ZNF569: variants seen among roughly 807,000 people sequenced by gnomAD.
ZNF569 encodes the protein DNA-binding protein.
ZNF569 carries 38 observed loss-of-function variants against 56.3 expected under a neutral mutation model. That is an observed-to-expected ratio of 0.68 (90% CI 0.52 to 0.88). The LOEUF (loss-of-function observed/expected upper bound fraction) is 0.88, where lower values mean the gene tolerates loss of function less well. ZNF569 is among the 40% of genes least tolerant of loss of function. The pLI is 0.00. For missense variants in ZNF569, 666 were observed against 809.2 expected (o/e 0.82, Z 2.15); for synonymous variants, 241 against 262.9 (o/e 0.92, Z 0.81).
rs371479043 is a variant in ZNF569 at position 37,412,655 on chromosome 19, C to G, written c.2003G>C (p.Gly668Ala). Residue 668 changes from glycine (G) to alanine (A), a missense_variant, in exon 6 of 6, where the codon GGC (glycine) becomes GCC (alanine). Coordinates refer to ENST00000316950, the MANE Select transcript of ZNF569 (RefSeq NM_152484.3). ...GTGCGACTTTTGGCTGAAAGCCTTG[C>G]CACACTCAATACAGTGATAGGGCTT... ...GEKPYHCIEC[G>A]KAFSQKSHLV... 6.2e-7 allele frequency: 1 copy of G among 1,612,810 alleles called. No individual in the cohort carries two copies. Among genetic ancestry groups the G allele is most frequent in the East Asian group, 2.2e-5 (1 of 44,862 alleles).
At chr19:37,427,192 C>A (rs2041148238) in intron 3 of ZNF569, among the ~76,000 whole-genome samples, 1 of 151,942 alleles carries the variant, frequency 6.6e-6, no homozygotes, top group Non-Finnish European at 1.5e-5. Flanking sequence ...TGGTGTGCAT[C>A]TGTAGTCCCA....
At chr19:37,462,254 GC>G (rs1482825319) in intron 2 of ZNF569, among the ~76,000 whole-genome samples, 1 of 151,988 alleles carries the variant, frequency 6.6e-6, no homozygotes, top group Non-Finnish European at 1.5e-5. Flanking sequence ...GCCAAACTCT[GC>G]CACTAGATCT....
intron 2 of ZNF569, among the ~76,000 whole-genome samples, chr19:37,459,173 T>C (rs569013941): frequency 6.6e-6 from 1 of 151,934 alleles, no homozygotes; most frequent in Non-Finnish European, 1.5e-5. Context: ...ATGTTTCAAA[T>C]TAGTGACACA....
intron 2 of ZNF569, among the ~76,000 whole-genome samples, chr19:37,451,781 A>G (rs926258590): frequency 6.6e-6 from 1 of 152,044 alleles, no homozygotes; most frequent in South Asian, 2.1e-4. Context: ...ATTTGCATGG[A>G]TCATCTTTTT....
chr19:37,463,726 A>G (rs1301498335), intron 2 of ZNF569, among the ~76,000 whole-genome samples: 1 of 152,234 alleles, frequency 6.6e-6, no homozygotes, highest in East Asian at 1.9e-4. Flanking sequence ...TTATTGTTCC[A>G]TGCATGTTTA....
intron 5 of ZNF569, among the ~76,000 whole-genome samples, chr19:37,419,460 G>A (rs571541229): frequency 3.9e-5 from 6 of 152,190 alleles, no homozygotes; most frequent in South Asian, 2.1e-4. Context: ...GGTGGCTCAC[G>A]ACTGTAATCC....
chr19:37,446,287 C>A (rs1487601846), intron 2 of ZNF569, among the ~76,000 whole-genome samples: 2 of 152,102 alleles, frequency 1.3e-5, no homozygotes, highest in Non-Finnish European at 2.9e-5. Flanking sequence ...TGGTGGCTCA[C>A]CCCTGTAATC....
chr19:37,444,442 C>T (rs1307839113), intron 3 of ZNF569, among the ~76,000 whole-genome samples: 1 of 151,964 alleles, frequency 6.6e-6, no homozygotes. Flanking sequence ...TATTCCTTTT[C>T]CTGTTAATTT....
intron 2 of ZNF569, 31 bp downstream of exon 2, chr19:37,465,282 A>AT (rs2041812998): frequency 6.6e-6 from 1 of 152,210 alleles, no homozygotes; most frequent in South Asian, 2.1e-4. Context: ...ATTCTTCACC[A>AT]TTTAAAATAC....
At chr19:37,445,127 G>A (rs1319175320) in intron 2 of ZNF569, among the ~76,000 whole-genome samples, 163 bp from the exon 3 acceptor site, 1 of 152,178 alleles carries the variant, frequency 6.6e-6, no homozygotes, top group Non-Finnish European at 1.5e-5. Context: ...GTGTGAGGAT[G>A]ATTGGAATAA....
At chr19:37,468,907 C>A, upstream of ZNF569, 6 of 276,038 alleles carry the variant, frequency 2.2e-5, no homozygotes, top group Non-Finnish European at 3.3e-5. Flanking sequence ...TTTCGGGTAT[C>A]CAGCACAATT....
At position 37,452,861 on chromosome 19, in the gene ZNF569, G is replaced by C. The variant is rs780124670; in HGVS notation, c.-43-7897C>G. The stretch of plus-strand genomic sequence containing the variant: ...GATGTTCGTTTCCTTCCCCAGCTTT[G>C]GGGAGTTTTCAGCCATTACTTTTAA... On this transcript the variant is annotated intron_variant, in intron 2 of 5. Transcript: ENST00000316950. 8.6e-5 allele frequency among the ~76,000 whole-genome samples: 13 copies of C among 151,988 alleles called. 1 individual carries two copies. The highest frequency in any genetic ancestry group is 1.5e-4 in the Non-Finnish European group (10 of 68,004).
intron 2 of ZNF569, among the ~76,000 whole-genome samples, chr19:37,452,124 A>C (rs1363297727): frequency 1.3e-5 from 2 of 150,008 alleles, no homozygotes; most frequent in Non-Finnish European, 3.0e-5. Context: ...TGGGGCTTAC[A>C]TAAAATATAG....
intron 3 of ZNF569, among the ~76,000 whole-genome samples, chr19:37,439,670 G>A (rs2041371691): frequency 6.6e-6 from 1 of 152,098 alleles, no homozygotes; most frequent in Non-Finnish European, 1.5e-5. Flanking sequence ...TGCCCATCAG[G>A]AAATGCATGG....
chr19:37,443,761 C>T (rs977915794), intron 3 of ZNF569, among the ~76,000 whole-genome samples: 2 of 151,692 alleles, frequency 1.3e-5, no homozygotes, highest in African/African-American at 2.4e-5. Context: ...AATCCCAGCA[C>T]TGTGGGAGGT....
Position 37,412,387 on chromosome 19 carries a change from T to C in ZNF569, c.*210A>G. Reference sequence around the variant, plus strand: ...GAGAATGCTGATTAAATATTATCAATAAGATGTCTGCTGAAAGTTTCTGGT... The same window carrying C: ...GAGAATGCTGATTAAATATTATCAACAAGATGTCTGCTGAAAGTTTCTGGT... On this transcript the variant is annotated 3_prime_UTR_variant, in exon 6 of 6. Transcript: ENST00000316950. 1.3e-6 allele frequency: 1 copy of C among 762,472 alleles called. No individual in the cohort carries two copies. Among genetic ancestry groups the C allele is most frequent in the Non-Finnish European group, 1.8e-6 (1 of 541,680 alleles). 47.2% of individuals were successfully genotyped at this position (762,472 alleles called of 1,614,324 possible).
chr19:37,449,715 C>T lies in ZNF569; in HGVS notation c.-43-4751G>A, dbSNP rs562335599. On this transcript the variant is annotated intron_variant, in intron 2 of 5. Transcript: ENST00000316950. ...ATTTGCTTTTAATATACTTATTTAT[C>T]TTTATATTTAAAATGGGTATCTTAG... 7.1e-5 allele frequency among the ~76,000 whole-genome samples: 10 copies of T among 140,740 alleles called. No homozygotes were observed. The East Asian group carries it at 1.8e-3, about 26-fold the overall frequency. 92.3% of individuals were successfully genotyped at this position (140,740 alleles called of 152,430 possible).
intron 2 of ZNF569, among the ~76,000 whole-genome samples, chr19:37,462,897 T>C (rs1267205453): frequency 6.6e-6 from 1 of 152,172 alleles, no homozygotes; most frequent in Non-Finnish European, 1.5e-5. Flanking sequence ...TCTTTTTGAA[T>C]TTCATACTTG....
At chr19:37,441,604 C>A (rs772680572) in intron 3 of ZNF569, among the ~76,000 whole-genome samples, 1 of 151,436 alleles carries the variant, frequency 6.6e-6, no homozygotes, top group Admixed American at 6.6e-5. Flanking sequence ...GAGGTTGCAG[C>A]GAGCTGAGAT....
Sources: gnomAD v4.1 joint callset for allele counts (sites outside exome capture counted in the v4.1 genomes callset) on GRCh38, gnomAD v4.1.1 for gene constraint, MANE v1.5 for transcripts, NCBI Gene and HGNC (gene_info 2026-07-23, HGNC 2026-07-21) for gene names.